Variants in PSMD1 observed in about 807,000 individuals in gnomAD.
PSMD1 encodes the protein 26S proteasome non-ATPase regulatory subunit 1.
PSMD1 carries 18 observed loss-of-function variants against 119.0 expected under a neutral mutation model. The ratio of observed to expected loss-of-function variants is 0.15; its 90% CI spans 0.10 to 0.22. PSMD1 has a LOEUF of 0.22. Among genes scored for constraint, PSMD1 ranks in the 10% least tolerant of loss-of-function variants. PSMD1 has a pLI of 1.00. For missense variants in PSMD1, 702 were observed against 1,158.5 expected (o/e 0.61, Z 5.72); for synonymous variants, 374 against 396.6 (o/e 0.94, Z 0.68).
At chr2:231,112,395 G>A (rs542476711) in intron 16 of PSMD1, among the ~76,000 whole-genome samples, 1 of 152,300 alleles carries the variant, frequency 6.6e-6, no homozygotes, top group Non-Finnish European at 1.5e-5. Context: ...ATTCTGAATA[G>A]ACTTTTTCTT....
In PSMD1 at chr2:231,161,524, C is replaced by T. The variant is rs114735984; in HGVS notation, c.2388+15C>T. On this transcript the variant is annotated intron_variant, in intron 20 of 24. Transcript: ENST00000308696. ...AGGACTTAAAGGTATGTCTGTGAGACCTCAGCTTTGTAGTATTTCCTGTTC... is the reference window on the plus strand; with the variant it reads ...AGGACTTAAAGGTATGTCTGTGAGATCTCAGCTTTGTAGTATTTCCTGTTC... The T allele has an allele frequency of 2.0e-4, 325 of 1,604,362 alleles. 2 individuals are homozygous for T. In the African/African-American group the frequency reaches 4.0e-3, roughly 20 times the overall value.
chr2:231,125,162 ATTTTTAGAG>A (rs1368733416), intron 16 of PSMD1: 5 of 152,214 alleles, frequency 3.3e-5, no homozygotes, highest in African/African-American at 4.8e-5. Context: ...TGATACATTC[ATTTTTAGAG>A]AGTAGCAGCA....
In PSMD1 at chr2:231,069,936, A is replaced by C. The variant is rs530967269; in HGVS notation, c.511-89A>C. ...AATAATTGGCTTCCTAGATTGGCTA[A>C]AGAAGCAAGATTAAAATAATTCAAT... On this transcript the variant is annotated intron_variant, in intron 5 of 24. Coordinates refer to ENST00000308696, the MANE Select transcript of PSMD1 (RefSeq NM_002807.4). The C allele has an allele frequency of 2.7e-5, 31 of 1,133,818 alleles. No individual in the cohort carries two copies. In the South Asian group the frequency reaches 1.1e-3, roughly 40 times the overall value. The allele number at this position is 1,133,818 out of a possible 1,614,324, so 70.2% of individuals were successfully genotyped here. A position where few individuals can be genotyped will look rare whatever the true frequency, so the allele number is the denominator to read the frequency against.
chr2:231,108,916 T>C, intron 16 of PSMD1: 1 of 1,614,082 alleles, frequency 6.2e-7, no homozygotes, highest in Non-Finnish European at 8.5e-7. Context: ...AGGAATCACA[T>C]AAAACTAAAG....
intron 16 of PSMD1, among the ~76,000 whole-genome samples, chr2:231,129,879 A>G (rs558302446): frequency 1.5e-4 from 23 of 152,230 alleles, no homozygotes; most frequent in African/African-American, 5.1e-4. Flanking sequence ...TTCGAGACGG[A>G]GTCTCACTCT....
intron 4 of PSMD1, 29 bp downstream of exon 4, chr2:231,062,704 A>G (rs369843120): frequency 1.2e-4 from 185 of 1,494,782 alleles, no homozygotes; most frequent in Non-Finnish European, 1.5e-4. Context: ...GTAAGGCTTT[A>G]TCTTGTCGGC....
At chr2:231,171,090 TC>T (rs1696901153) in intron 24 of PSMD1, among the ~76,000 whole-genome samples, 1 of 152,218 alleles carries the variant, frequency 6.6e-6, no homozygotes, top group African/African-American at 2.4e-5. Context: ...TGATTTACAT[TC>T]TGATGTAAGC....
At chr2:231,098,429 C>G (rs990261886) in intron 16 of PSMD1, among the ~76,000 whole-genome samples, 2 of 152,012 alleles carry the variant, frequency 1.3e-5, no homozygotes, top group African/African-American at 2.4e-5. Flanking sequence ...CTGACTCCCT[C>G]TTTGTCTCTC....
chr2:231,069,498 A>G (rs1693990021), intron 5 of PSMD1, among the ~76,000 whole-genome samples: 1 of 152,212 alleles, frequency 6.6e-6, no homozygotes, highest in Admixed American at 6.5e-5. Flanking sequence ...TTTGAGAATC[A>G]CCAAGTAAAC....
In PSMD1 at chr2:231,112,723, G is replaced by A. The variant is rs77855723; in HGVS notation, c.1883+25542G>A. Among the ~76,000 whole-genome samples, 915 of 152,154 alleles carry A rather than the reference G, an allele frequency of 6.0e-3. 16 individuals are homozygous for A. The highest frequency in any genetic ancestry group is 0.021 in the African/African-American group (875 of 41,498). On this transcript the variant is annotated intron_variant, in intron 16 of 24. Transcript: ENST00000308696. ...CATATAAGAGTTTTGAATGATTTAC[G>A]CATACTTCATGATAAGAAGTATAGC...
At chr2:231,111,296 A>G (rs1695148796) in intron 16 of PSMD1, among the ~76,000 whole-genome samples, 1 of 151,614 alleles carries the variant, frequency 6.6e-6, no homozygotes, top group African/African-American at 2.4e-5. Context: ...GCTACCCCTC[A>G]CTCCTAGAGA....
chr2:231,063,178 T>C lies in PSMD1; in HGVS notation c.304+503T>C, dbSNP rs147018185. ...TACTCACTCTAAAACCCATACTGTT[T>C]CTATTTGTAACCGTTGTTTTCTTAC... On this transcript the variant is annotated intron_variant, in intron 4 of 24. Transcript: ENST00000308696. Among the ~76,000 whole-genome samples the C allele has an allele frequency of 4.2e-3, 639 of 152,318 alleles. 5 individuals carry two copies. Among genetic ancestry groups the C allele is most frequent in the African/African-American group, 0.014 (594 of 41,566 alleles).
intron 1 of PSMD1, among the ~76,000 whole-genome samples, chr2:231,057,304 C>T (rs372062924): frequency 2.2e-4 from 33 of 152,302 alleles, no homozygotes; most frequent in African/African-American, 7.0e-4. Flanking sequence ...CGAGGGGCTT[C>T]CTGGGCCTTC....
intron 16 of PSMD1, among the ~76,000 whole-genome samples, chr2:231,117,054 G>C (rs574812020): frequency 6.6e-6 from 1 of 151,968 alleles, no homozygotes; most frequent in South Asian, 2.1e-4. Flanking sequence ...AGACACACTT[G>C]TTTTATAAAG....
chr2:231,102,214 T>C (rs1694885602), intron 16 of PSMD1, among the ~76,000 whole-genome samples: 1 of 152,226 alleles, frequency 6.6e-6, no homozygotes, highest in Non-Finnish European at 1.5e-5. Context: ...AACTTTTATA[T>C]GCCCTGGGAA....
chr2:231,155,627 T>TA (rs142898158), intron 19 of PSMD1, among the ~76,000 whole-genome samples: 3,765 of 152,028 alleles, frequency 0.025, 156 homozygotes, highest in African/African-American at 0.087. Context: ...TTTTTGATCT[T>TA]ATCTTTATTA....
Position 231,083,563 on chromosome 2 carries a change from C to T in PSMD1, c.1526-4C>T. 1 of 1,614,052 alleles carries T rather than the reference C, an allele frequency of 6.2e-7. No individual in the cohort carries two copies. The highest frequency in any genetic ancestry group is 8.5e-7 in the Non-Finnish European group (1 of 1,179,964). Reference sequence around the variant, plus strand: ...CTGTTAACATTTTACTCGTTACTTGCCAGGGGAAGCAGCTGGCCTGGCCCT... The same window carrying T: ...CTGTTAACATTTTACTCGTTACTTGTCAGGGGAAGCAGCTGGCCTGGCCCT... On this transcript the variant is annotated splice_region_variant and splice_polypyrimidine_tract_variant and intron_variant, in intron 13 of 24. Coordinates refer to ENST00000308696, the MANE Select transcript of PSMD1 (RefSeq NM_002807.4).
chr2:231,062,046 G>T (rs1193037551), intron 2 of PSMD1, among the ~76,000 whole-genome samples: 1 of 152,114 alleles, frequency 6.6e-6, no homozygotes, highest in Non-Finnish European at 1.5e-5. Context: ...ATTCAAAGAA[G>T]AAAAATGTTG....
intron 5 of PSMD1, 103 bp downstream of exon 5, chr2:231,067,214 T>C (rs1212577225): frequency 2.3e-6 from 2 of 862,166 alleles, no homozygotes; most frequent in African/African-American, 3.4e-5. Flanking sequence ...AAATCTAGTT[T>C]AGAAATAGCA....
Sources: gnomAD v4.1 joint callset for allele counts (sites outside exome capture counted in the v4.1 genomes callset) on GRCh38, gnomAD v4.1.1 for gene constraint, MANE v1.5 for transcripts, NCBI Gene and HGNC (gene_info 2026-07-23, HGNC 2026-07-21) for gene names.